Variants in USP35 observed in about 807,000 individuals in gnomAD.
USP35 encodes the protein ubiquitin specific peptidase 35.
In USP35, 69 loss-of-function variants were observed where a neutral mutation model predicts 83.8. The ratio of observed to expected loss-of-function variants is 0.82; its 90% confidence interval spans 0.68 to 1.01. The LOEUF is 1.01. Among genes scored for constraint, USP35 ranks in the 50% least tolerant of loss-of-function variants. The pLI, the probability that USP35 is intolerant of heterozygous loss-of-function variation, is 0.00. For synonymous variants in USP35, 714 were observed against 589.5 expected (o/e 1.21, Z -3.06); for missense variants, 1,503 against 1,362.5 (o/e 1.10, Z -1.62).
At chr11:78,222,510 G>T in the USP35 span, among the ~76,000 whole-genome samples, 1 of 148,196 alleles carries the variant, frequency 6.7e-6, no homozygotes, top group Admixed American at 6.7e-5. Flanking sequence ...AAAAATAAAA[G>T]ACTATATATA....
In USP35 at chr11:78,200,783, A is replaced by G; in HGVS notation, c.1172A>G (p.Tyr391Cys). The change falls in exon 6 of 11, where the codon TAT (tyrosine) becomes TGT (cysteine). Residue 391 changes from tyrosine to cysteine, a missense_variant. Tyr to Cys is a radical substitution (Grantham distance 194). Transcript: ENST00000529308. ...VFRFPGFPDL[Y>C]EPVMEAIKDL... The stretch of plus-strand genomic sequence containing the variant: ...CGGTTCCCGGGCTTCCCGGATCTGT[A>G]TGAGCCTGTCATGGAGGCCATCAAG... 1 of 1,612,484 alleles carries G rather than the reference A, an allele frequency of 6.2e-7. No individual in the cohort carries two copies. Among genetic ancestry groups the G allele is most frequent in the Non-Finnish European group, 8.5e-7 (1 of 1,178,918 alleles).
chr11:78,213,907 G>T lies in USP35; in HGVS notation c.*94G>T. On this transcript the variant is annotated 3_prime_UTR_variant, in exon 11 of 11. Transcript: ENST00000529308. ...GCAGGCCCTACCAAGAGGAAGGATG[G>T]TACAGCTCATGGCACCTTAGTCCTC... 7.0e-7 allele frequency: 1 copy of T among 1,424,906 alleles called. No individual in the cohort carries two copies. The highest frequency in any genetic ancestry group is 9.3e-7 in the Non-Finnish European group (1 of 1,073,838). The allele number at this position is 1,424,906 out of a possible 1,614,324, so 88.3% of individuals were successfully genotyped here. A position where few individuals can be genotyped will look rare whatever the true frequency, so the allele number is the denominator to read the frequency against.
At position 78,196,658 on chromosome 11, in the gene USP35, C is replaced by T. The variant is rs1367617217; in HGVS notation, c.413C>T (p.Pro138Leu). ...VLRTVCERPG[P>L]AACAQVARLL... is the part of the protein sequence containing the mutation. ...CGCACCGTGTGCGAGCGCCCGGGCCCCGCGGCCTGCGCGCAGGTGGCACGG... is the reference window on the plus strand; with the variant it reads ...CGCACCGTGTGCGAGCGCCCGGGCCTCGCGGCCTGCGCGCAGGTGGCACGG... Residue 138 changes from proline (P) to leucine (L), a missense_variant, in exon 2 of 11, where the codon CCC becomes CTC. Coordinates refer to ENST00000529308, the MANE Select transcript of USP35 (RefSeq NM_020798.4). This position sits in a 1 kb window ranked among gnomAD's most constrained non-coding sequence, Gnocchi z 4.8. 2.1e-6 allele frequency: 3 copies of T among 1,413,200 alleles called. No homozygotes were observed. Among genetic ancestry groups the T allele is most frequent in the East Asian group, 3.0e-5 (1 of 33,554 alleles). 87.5% of individuals were successfully genotyped at this position (1,413,200 alleles called of 1,614,324 possible).
Position 78,196,915 on chromosome 11 carries a change from G to T in USP35, c.670G>T (p.Ala224Ser). ...LKELFAVISCAEEEPPSSALA... is the reference protein window; with the variant it reads ...LKELFAVISCSEEEPPSSALA... ...AGAGCTGTTCGCAGTCATCTCCTGC[G>T]CAGGTGCGTGTGCGGCCGGGGCAGG... The change falls in exon 2 of 11, where the codon GCA becomes TCA. Residue 224 changes from alanine (A) to serine (S), a missense_variant. Coordinates refer to ENST00000529308, the MANE Select transcript of USP35 (RefSeq NM_020798.4). The surrounding 1 kb of genome is among the most constrained non-coding windows in gnomAD (Gnocchi z 4.8). 6.9e-7 allele frequency: 1 copy of T among 1,453,046 alleles called. No individual in the cohort carries two copies. The highest frequency in any genetic ancestry group is 9.0e-7 in the Non-Finnish European group (1 of 1,106,170). 90.0% of individuals were successfully genotyped at this position (1,453,046 alleles called of 1,614,324 possible). A position where few individuals can be genotyped will look rare whatever the true frequency, so the allele number is the denominator to read the frequency against.
intron 1 of USP35, among the ~76,000 whole-genome samples, chr11:78,192,445 C>T (rs983787643): frequency 6.6e-6 from 1 of 152,230 alleles, no homozygotes; most frequent in Non-Finnish European, 1.5e-5. Context: ...CTGGCCTTGT[C>T]CTCCCTTCCC....
chr11:78,201,088 G>A (rs1051473888), intron 6 of USP35, among the ~76,000 whole-genome samples: 2 of 152,116 alleles, frequency 1.3e-5, no homozygotes, highest in African/African-American at 4.8e-5. Flanking sequence ...ATTAAAACAC[G>A]TTCTCTTTCT....
downstream of USP35, chr11:78,215,245 C>A (rs532231098): frequency 1.3e-5 from 2 of 152,536 alleles, no homozygotes; most frequent in African/African-American, 4.8e-5. Flanking sequence ...GGAGTGAGAA[C>A]GGGTTCCACC....
In USP35 at chr11:78,196,504, C is replaced by A; in HGVS notation, c.259C>A (p.Arg87Ser). The A allele has an allele frequency of 8.1e-7, 1 of 1,230,536 alleles. No homozygotes were observed. Among genetic ancestry groups the A allele is most frequent in the South Asian group, 2.3e-5 (1 of 43,864 alleles). The allele number at this position is 1,230,536 out of a possible 1,614,324, so 76.2% of individuals were successfully genotyped here. The change falls in exon 2 of 11, where the codon CGC becomes AGC. Residue 87 changes from arginine to serine, a missense_variant. Transcript: ENST00000529308. The surrounding 1 kb of genome is among the most constrained non-coding windows in gnomAD (Gnocchi z 4.8). ...AEFFSARRVL[R>S]LLQGGAGPPG... The stretch of plus-strand genomic sequence containing the variant: ...GTTCTTCAGCGCGCGTCGCGTGCTG[C>A]GCCTGCTGCAGGGTGGCGCCGGCCC...
In USP35 at chr11:78,196,417, C is replaced by A; in HGVS notation, c.172C>A (p.Arg58Ser). 2.3e-6 allele frequency: 3 copies of A among 1,300,572 alleles called. No homozygotes were observed. The highest frequency in any genetic ancestry group is 3.2e-5 in the African/African-American group (2 of 63,360). 80.6% of individuals were successfully genotyped at this position (1,300,572 alleles called of 1,614,324 possible). A position where few individuals can be genotyped will look rare whatever the true frequency, so the allele number is the denominator to read the frequency against. ...LYVGGAEELP[R>S]RVGCQLLHVA... is the part of the protein sequence containing the mutation. Reference sequence around the variant, plus strand: ...CGTGGGCGGCGCGGAGGAGCTGCCGCGCCGCGTGGGCTGCCAGCTGCTGCA... The same window carrying A: ...CGTGGGCGGCGCGGAGGAGCTGCCGAGCCGCGTGGGCTGCCAGCTGCTGCA... The change falls in exon 2 of 11, where the codon CGC (arginine) becomes AGC (serine). Residue 58 changes from arginine to serine, a missense_variant. By Grantham distance (110) the Arg-to-Ser change is moderately radical. Transcript: ENST00000529308. The surrounding 1 kb of genome is among the most constrained non-coding windows in gnomAD (Gnocchi z 4.8).
intron 7 of USP35, among the ~76,000 whole-genome samples, chr11:78,206,905 C>T (rs1863545070): frequency 6.6e-6 from 1 of 151,378 alleles, no homozygotes; most frequent in East Asian, 2.0e-4. Context: ...AGGATCAGAC[C>T]CTTCCCACTA....
In USP35 at chr11:78,196,787, G is replaced by T. The variant is rs1314963414; in HGVS notation, c.542G>T (p.Gly181Val). Reference sequence around the variant, plus strand: ...GGCCGCTTCCGCTGCCCAGCCGAAGGCGAGGAGGGCGCCGTGGAGTTCCTA... The same window carrying T: ...GGCCGCTTCCGCTGCCCAGCCGAAGTCGAGGAGGGCGCCGTGGAGTTCCTA... ...CLGRFRCPAE[G>V]EEGAVEFLEQ... Residue 181 changes from glycine to valine, a missense_variant, in exon 2 of 11, where the codon GGC becomes GTC. Transcript: ENST00000529308. This position sits in a 1 kb window ranked among gnomAD's most constrained non-coding sequence, Gnocchi z 4.8. The T allele has an allele frequency of 1.3e-6, 2 of 1,533,976 alleles. No individual in the cohort carries two copies. The highest frequency in any genetic ancestry group is 2.4e-5 in the South Asian group (2 of 83,786).
At chr11:78,200,110 C>A in intron 4 of USP35, 23 bp from the exon 5 acceptor site, 1 of 1,613,850 alleles carries the variant, frequency 6.2e-7, no homozygotes, top group Non-Finnish European at 8.5e-7. Context: ...CCTGGGGACT[C>A]CTGACCAGGG....
the USP35 span, among the ~76,000 whole-genome samples, chr11:78,221,045 G>A: frequency 6.6e-6 from 1 of 152,188 alleles, no homozygotes; most frequent in Non-Finnish European, 1.5e-5. Context: ...CATTTCTTCA[G>A]ATGACACGCT....
chr11:78,215,188 G>A lies in USP35; in HGVS notation c.*1375G>A, dbSNP rs988566285. ...AGCATTTGTTCTTATTCACAGCCAAGAAAAATACCCAATTATTTCCAAATA... is the reference window on the plus strand; with the variant it reads ...AGCATTTGTTCTTATTCACAGCCAAAAAAAATACCCAATTATTTCCAAATA... On this transcript the variant is annotated 3_prime_UTR_variant, in exon 11 of 11. Coordinates refer to ENST00000529308, the MANE Select transcript of USP35 (RefSeq NM_020798.4). The A allele has an allele frequency of 6.6e-6, 1 of 152,482 alleles. No individual in the cohort carries two copies. The allele number at this position is 152,482 out of a possible 1,614,324, so 9.4% of individuals were successfully genotyped here. A position where few individuals can be genotyped will look rare whatever the true frequency, so the allele number is the denominator to read the frequency against.
downstream of USP35, chr11:78,216,651 T>G (rs549770907): frequency 3.9e-5 from 6 of 152,196 alleles, 1 homozygote; most frequent in East Asian, 1.2e-3. Flanking sequence ...CCTGGGAGAT[T>G]CGATTTGAAC....
chr11:78,216,266 T>A (rs1864141801), downstream of USP35: 1 of 152,334 alleles, frequency 6.6e-6, no homozygotes, highest in Non-Finnish European at 1.5e-5. Flanking sequence ...AGAAGGCTCC[T>A]TGGAGAGCCC....
At chr11:78,232,058 A>G in the USP35 span, 1 of 152,228 alleles carries the variant, frequency 6.6e-6, no homozygotes, top group Admixed American at 6.5e-5. Context: ...TTCTGAGCCA[A>G]TTTTGGCAGG....
At chr11:78,190,297 C>A (rs2137018521) in intron 1 of USP35, among the ~76,000 whole-genome samples, 1 of 152,200 alleles carries the variant, frequency 6.6e-6, no homozygotes, top group South Asian at 2.1e-4. Flanking sequence ...GTTGTTTGAA[C>A]AATTTCTAGA....
At chr11:78,211,627 C>G (rs935417888) in intron 10 of USP35, among the ~76,000 whole-genome samples, 5 of 152,184 alleles carry the variant, frequency 3.3e-5, no homozygotes, top group African/African-American at 1.2e-4. Flanking sequence ...TGTTTCCTGA[C>G]TTTTTAATAA....
Sources: gnomAD v4.1 joint callset for allele counts (sites outside exome capture counted in the v4.1 genomes callset) on GRCh38, gnomAD v4.1.1 for gene constraint, Gnocchi (gnomAD v3.1) non-coding constraint, MANE v1.5 for transcripts, NCBI Gene and HGNC (gene_info 2026-07-23, HGNC 2026-07-21) for gene names.